The following CRISPLD2 variants were observed in gnomAD, a reference collection of about 807,000 sequenced individuals.
The protein encoded by CRISPLD2 is cysteine-rich secretory protein LCCL domain-containing 2.
CRISPLD2 carries 47 observed loss-of-function variants against 71.1 expected under a neutral mutation model. That is an observed-to-expected ratio of 0.66 (90% CI 0.52 to 0.84). The LOEUF (loss-of-function observed/expected upper bound fraction) is 0.84. CRISPLD2 is among the 40% of genes least tolerant of loss of function. The pLI is 0.00. For synonymous variants in CRISPLD2, 317 were observed against 250.1 expected (o/e 1.27, Z -2.52); for missense variants, 830 against 651.1 (o/e 1.27, Z -2.99).
chr16:84,823,226 A>G (rs770603237), intron 1 of CRISPLD2, among the ~76,000 whole-genome samples: 2 of 152,192 alleles, frequency 1.3e-5, no homozygotes, highest in Non-Finnish European at 2.9e-5. Context: ...ATTCCATTGC[A>G]TTAATAGACC....
Position 84,838,614 on chromosome 16 carries a change from A to C in CRISPLD2, c.119A>C (p.His40Pro), listed in dbSNP as rs1380165384. Residue 40 changes from histidine to proline, a missense_variant, in exon 2 of 15, where the codon CAC becomes CCC. Transcript: ENST00000262424. The part of the protein sequence containing the change: ...LLEELLSKYQ[H>P]NESHSRVRRA... ...GAGGAGCTGCTCAGCAAATACCAGCACAACGAGTCTCACTCCCGGGTCCGC... is the reference window on the plus strand; with the variant it reads ...GAGGAGCTGCTCAGCAAATACCAGCCCAACGAGTCTCACTCCCGGGTCCGC... 6.2e-7 allele frequency: 1 copy of C among 1,614,256 alleles called. No homozygotes were observed. Among genetic ancestry groups the C allele is most frequent in the Non-Finnish European group, 8.5e-7 (1 of 1,180,042 alleles).
At chr16:84,824,901 T>C (rs113858431) in intron 1 of CRISPLD2, among the ~76,000 whole-genome samples, 9 of 151,724 alleles carry the variant, frequency 5.9e-5, no homozygotes, top group African/African-American at 2.2e-4. Context: ...GTCAGGAGTT[T>C]GAGACCAGCC....
At chr16:84,887,278 T>C (rs2071621624) in intron 13 of CRISPLD2, among the ~76,000 whole-genome samples, 1 of 152,158 alleles carries the variant, frequency 6.6e-6, no homozygotes, top group South Asian at 2.1e-4. Flanking sequence ...GGCCTCTGTC[T>C]CTACACTACA....
At chr16:84,832,434 G>GCTTATCCTTA (rs1916510041) in intron 1 of CRISPLD2, among the ~76,000 whole-genome samples, 1 of 152,264 alleles carries the variant, frequency 6.6e-6, no homozygotes, top group Non-Finnish European at 1.5e-5. Flanking sequence ...CAAATCAGAC[G>GCTTATCCTTA]TAGTCCTTAT....
At chr16:84,870,919 A>G (rs576447245) in intron 8 of CRISPLD2, among the ~76,000 whole-genome samples, 2 of 151,814 alleles carry the variant, frequency 1.3e-5, no homozygotes, top group African/African-American at 4.8e-5. Flanking sequence ...TTAGCTGGAC[A>G]TGGTGGCATA....
At chr16:84,833,548 G>A (rs1916539147) in intron 1 of CRISPLD2, among the ~76,000 whole-genome samples, 1 of 152,184 alleles carries the variant, frequency 6.6e-6, no homozygotes, top group African/African-American at 2.4e-5. Context: ...AGCAGAGTTA[G>A]AGTGGGAGCC....
At chr16:84,843,878 C>T (rs1378588284) in intron 2 of CRISPLD2, among the ~76,000 whole-genome samples, 11 of 152,166 alleles carry the variant, frequency 7.2e-5, no homozygotes, top group Admixed American at 7.2e-4. Flanking sequence ...AGGTTTGTTG[C>T]CCCTTGGCTG....
chr16:84,886,221 C>T (rs1404575511), intron 13 of CRISPLD2, among the ~76,000 whole-genome samples: 1 of 152,184 alleles, frequency 6.6e-6, no homozygotes, highest in Non-Finnish European at 1.5e-5. Flanking sequence ...CGCCTCTCTT[C>T]ATTCCCTCAT....
chr16:84,887,840 C>G (rs966607799), intron 13 of CRISPLD2, among the ~76,000 whole-genome samples: 1 of 152,172 alleles, frequency 6.6e-6, no homozygotes, highest in African/African-American at 2.4e-5. Flanking sequence ...TGCGCCATTG[C>G]ACTCCAGCCT....
intron 5 of CRISPLD2, among the ~76,000 whole-genome samples, chr16:84,853,860 G>A (rs1343700679): frequency 5.3e-5 from 8 of 152,274 alleles, no homozygotes; most frequent in Admixed American, 5.2e-4. Flanking sequence ...GGCTGGGGCT[G>A]GAGGAGGCTG....
intron 10 of CRISPLD2, 152 bp from the exon 11 acceptor site, chr16:84,873,768 T>C (rs771006395): frequency 1.6e-5 from 12 of 733,026 alleles, no homozygotes; most frequent in Non-Finnish European, 2.3e-5. Flanking sequence ...GTCTAGAACA[T>C]TCTAAGAGCT....
At chr16:84,831,441 C>T (rs996708087) in intron 1 of CRISPLD2, among the ~76,000 whole-genome samples, 3 of 152,094 alleles carry the variant, frequency 2.0e-5, no homozygotes, top group African/African-American at 4.8e-5. Context: ...GAGATAGAGT[C>T]GCCCAGGCTG....
chr16:84,845,055 A>G (rs951274109), intron 2 of CRISPLD2, among the ~76,000 whole-genome samples: 1 of 152,196 alleles, frequency 6.6e-6, no homozygotes, highest in Non-Finnish European at 1.5e-5. Flanking sequence ...TAGGAATAGC[A>G]TCTGATTATT....
intron 3 of CRISPLD2, among the ~76,000 whole-genome samples, chr16:84,846,511 C>A (rs893544604): frequency 3.9e-5 from 6 of 152,162 alleles, no homozygotes; most frequent in African/African-American, 1.4e-4. Context: ...ACGTTGGCCT[C>A]CTCAAGTGCG....
At chr16:84,891,914 C>T (rs1273843996) in intron 14 of CRISPLD2, among the ~76,000 whole-genome samples, 1 of 152,220 alleles carries the variant, frequency 6.6e-6, no homozygotes, top group African/African-American at 2.4e-5. Flanking sequence ...GTCTTCCAGG[C>T]ATCCCTCCCA....
chr16:84,847,461 C>T (rs904001824), intron 3 of CRISPLD2, among the ~76,000 whole-genome samples: 4 of 152,096 alleles, frequency 2.6e-5, no homozygotes, highest in Admixed American at 6.5e-5. Context: ...ACTATCCTGG[C>T]CAACATAGTG....
chr16:84,838,436 G>T lies in CRISPLD2; in HGVS notation c.-60G>T. ...CTTCCTTTCAGAGCTCAAGCGCCCA[G>T]CTCTGCCCGAGGAGCCCAGGCTGCC... On this transcript the variant is annotated 5_prime_UTR_variant, in exon 2 of 15. Coordinates refer to ENST00000262424, the MANE Select transcript of CRISPLD2 (RefSeq NM_031476.4). 6.3e-7 allele frequency: 1 copy of T among 1,578,912 alleles called. No homozygotes were observed.
chr16:84,893,740 G>A (rs1011333004), intron 14 of CRISPLD2, among the ~76,000 whole-genome samples: 2 of 152,226 alleles, frequency 1.3e-5, no homozygotes, highest in African/African-American at 2.4e-5. Context: ...AGACACCTGG[G>A]TGTGGCCATG....
At chr16:84,849,190 G>T in intron 3 of CRISPLD2, 195 bp from the exon 4 acceptor site, 1 of 570,110 alleles carries the variant, frequency 1.8e-6, no homozygotes, top group South Asian at 2.2e-5. Flanking sequence ...CTCGCTGCCC[G>T]TGGCTGCTCC....
Sources: allele counts gnomAD v4.1 joint callset (sites outside exome capture counted in the v4.1 genomes callset), GRCh38; gene constraint gnomAD v4.1.1; transcripts MANE v1.5; gene names NCBI Gene and HGNC (gene_info 2026-07-23, HGNC 2026-07-21).